The following HAPLN1 variants were observed in gnomAD, a reference collection of about 807,000 sequenced individuals.
HAPLN1 encodes the protein hyaluronan and proteoglycan link protein 1, also known as Cartilage link protein.
In HAPLN1, 13 loss-of-function variants were observed where a neutral mutation model predicts 36.5. That is an observed-to-expected ratio of 0.36 (90% CI 0.23 to 0.57). HAPLN1 has a LOEUF of 0.57. Ranked by LOEUF, HAPLN1 falls within the 20% of genes least tolerant of loss-of-function variation. HAPLN1 has a pLI of 0.83. For synonymous variants in HAPLN1, 202 were observed against 169.8 expected (o/e 1.19, Z -1.48); for missense variants, 407 against 439.7 (o/e 0.93, Z 0.66).
intron 1 of HAPLN1, among the ~76,000 whole-genome samples, chr5:83,694,185 T>G (rs776698894): frequency 6.6e-6 from 1 of 151,882 alleles, no homozygotes. Flanking sequence ...AGCACAAAAT[T>G]TTAAATAACC....
Position 83,644,653 on chromosome 5 carries a change from G to T in HAPLN1, c.485C>A (p.Pro162His). 6.8e-7 allele frequency: 1 copy of T among 1,470,014 alleles called. No individual in the cohort carries two copies. The highest frequency in any genetic ancestry group is 1.5e-5 in the South Asian group (1 of 68,180). The allele number at this position is 1,470,014 out of a possible 1,614,324, so 91.1% of individuals were successfully genotyped here. ...VALDLQGVVFPYFPRLGRYNL... is the reference protein window; with the variant it reads ...VALDLQGVVFHYFPRLGRYNL... Reference sequence around the variant, plus strand: ...GTAGCGCCCCAGTCGTGGAAAGTAAGGGAATACCACACCTGTCCAAAGGAG... The same window carrying T: ...GTAGCGCCCCAGTCGTGGAAAGTAATGGAATACCACACCTGTCCAAAGGAG... The change falls in exon 4 of 5, where the codon CCT becomes CAT. Residue 162 changes from proline (P) to histidine (H), a missense_variant. Transcript: ENST00000274341.
chr5:83,695,195 G>A (rs921296075), intron 1 of HAPLN1, among the ~76,000 whole-genome samples: 1 of 152,020 alleles, frequency 6.6e-6, no homozygotes, highest in Non-Finnish European at 1.5e-5. Context: ...GCGCAATCTC[G>A]GCTCACTGCA....
chr5:83,712,106 T>G (rs886692231), intron 1 of HAPLN1, among the ~76,000 whole-genome samples: 1 of 152,206 alleles, frequency 6.6e-6, no homozygotes, highest in African/African-American at 2.4e-5. Context: ...ATATTAATCA[T>G]GTAAGGATGA....
At chr5:83,691,137 G>T (rs1751260413) in intron 1 of HAPLN1, among the ~76,000 whole-genome samples, 1 of 152,038 alleles carries the variant, frequency 6.6e-6, no homozygotes, top group African/African-American at 2.4e-5. Flanking sequence ...ATTGCCGAAA[G>T]AAAGTTTTCA....
At chr5:83,701,889 G>A (rs1390436243) in intron 1 of HAPLN1, among the ~76,000 whole-genome samples, 8 of 151,672 alleles carry the variant, frequency 5.3e-5, no homozygotes, top group Admixed American at 4.0e-4. Context: ...TCGCTCCACT[G>A]CTCTCCACCT....
At chr5:83,696,823 C>G (rs550508115) in intron 1 of HAPLN1, among the ~76,000 whole-genome samples, 1 of 152,186 alleles carries the variant, frequency 6.6e-6, no homozygotes, top group African/African-American at 2.4e-5. Context: ...TTACATTTCT[C>G]CTTTTGTGAA....
chr5:83,656,827 C>G (rs548691932), intron 2 of HAPLN1, among the ~76,000 whole-genome samples: 57 of 152,230 alleles, frequency 3.7e-4, no homozygotes, highest in African/African-American at 1.3e-3. Flanking sequence ...CAGAGGACAT[C>G]ATTTAGTTTC....
chr5:83,718,795 G>GA (rs762631639), intron 1 of HAPLN1, among the ~76,000 whole-genome samples: 1 of 152,070 alleles, frequency 6.6e-6, no homozygotes, highest in Non-Finnish European at 1.5e-5. Context: ...AATGCAATCT[G>GA]AAAAATAAAA....
At chr5:83,652,426 C>A (rs375685031) in intron 3 of HAPLN1, 27 bp downstream of exon 3, 1 of 1,583,190 alleles carries the variant, frequency 6.3e-7, no homozygotes, top group South Asian at 1.2e-5. Flanking sequence ...ACCATTTATA[C>A]GTTGAACATG....
At chr5:83,691,436 T>C (rs976222593) in intron 1 of HAPLN1, among the ~76,000 whole-genome samples, 4 of 152,070 alleles carry the variant, frequency 2.6e-5, no homozygotes, top group African/African-American at 9.6e-5. Context: ...TAGCACCTGT[T>C]TCCAACAGGC....
At chr5:83,705,867 A>G (rs911111035) in intron 1 of HAPLN1, among the ~76,000 whole-genome samples, 3 of 152,024 alleles carry the variant, frequency 2.0e-5, no homozygotes, top group Non-Finnish European at 2.9e-5. Context: ...ATCCAAATAA[A>G]CATGATTAGA....
rs191220233 is a variant in HAPLN1 at position 83,676,927 on chromosome 5, T to C, written c.-26-3378A>G. Among the ~76,000 whole-genome samples, 26 of 152,330 alleles carry C rather than the reference T, an allele frequency of 1.7e-4. No individual in the cohort carries two copies. The East Asian group carries it at 5.0e-3, about 29-fold the overall frequency. Reference sequence around the variant, plus strand: ...AGATAATAGGAATGTAATTTTACAGTCCTGCTTTGTTGATAATTGAAGCAT... The same window carrying C: ...AGATAATAGGAATGTAATTTTACAGCCCTGCTTTGTTGATAATTGAAGCAT... On this transcript the variant is annotated intron_variant, in intron 1 of 4. Coordinates refer to ENST00000274341, the MANE Select transcript of HAPLN1 (RefSeq NM_001884.4).
At position 83,697,487 on chromosome 5, in the gene HAPLN1, A is replaced by G. The variant is rs141284384; in HGVS notation, c.-27+23302T>C. ...TTTCCACTTTTGGGCTTTAATGAAT[A>G]ATGCTGCTATTAACACCCATGCACA... On this transcript the variant is annotated intron_variant, in intron 1 of 4. Transcript: ENST00000274341. 9.0e-3 allele frequency among the ~76,000 whole-genome samples: 1,372 copies of G among 152,318 alleles called. 30 individuals are homozygous for G. Among genetic ancestry groups the G allele is most frequent in the African/African-American group, 0.032 (1,314 of 41,572 alleles).
In HAPLN1 at chr5:83,641,550, G is replaced by A. The variant is rs1042802; in HGVS notation, c.1011C>T (p.Phe337=). ...CATACAGCTTATGCTTTTTATCTGG[G>A]AAACCCACGAAGCGCACTGCAGCCT... The part of the protein sequence containing the change: ...PTEAAVRFVG[F]PDKKHKLYGV... Residue 337 remains phenylalanine, a synonymous_variant, in exon 5 of 5, where the codon TTC becomes TTT. Transcript: ENST00000274341. 6.2e-7 allele frequency: 1 copy of A among 1,614,026 alleles called. No homozygotes were observed. The highest frequency in any genetic ancestry group is 1.1e-5 in the South Asian group (1 of 91,070).
At chr5:83,653,067 G>C (rs1377312069) in intron 2 of HAPLN1, among the ~76,000 whole-genome samples, 2 of 151,886 alleles carry the variant, frequency 1.3e-5, no homozygotes, top group Non-Finnish European at 2.9e-5. Context: ...AAGAAATGTT[G>C]GATATAAAAC....
chr5:83,711,290 G>A (rs956261906), intron 1 of HAPLN1, among the ~76,000 whole-genome samples: 3 of 152,120 alleles, frequency 2.0e-5, no homozygotes, highest in African/African-American at 7.2e-5. Context: ...TGGTAGAACT[G>A]CCATAAAGCA....
chr5:83,683,800 T>C (rs1313189759), intron 1 of HAPLN1, among the ~76,000 whole-genome samples: 3 of 152,150 alleles, frequency 2.0e-5, no homozygotes, highest in Admixed American at 2.0e-4. Context: ...TAAGTCTTAG[T>C]GAGCACAGTA....
intron 1 of HAPLN1, among the ~76,000 whole-genome samples, chr5:83,712,283 T>C (rs1431229521): frequency 6.6e-6 from 1 of 152,164 alleles, no homozygotes; most frequent in Admixed American, 6.5e-5. Flanking sequence ...GTATATTATA[T>C]ATATTTTTTT....
intron 2 of HAPLN1, among the ~76,000 whole-genome samples, chr5:83,662,772 T>C (rs1191822677): frequency 6.6e-6 from 1 of 152,224 alleles, no homozygotes; most frequent in Non-Finnish European, 1.5e-5. Context: ...ACTCTACTTG[T>C]CTCCATTCAG....
Sources: allele counts gnomAD v4.1 joint callset (sites outside exome capture counted in the v4.1 genomes callset), GRCh38; gene constraint gnomAD v4.1.1; transcripts MANE v1.5; gene names NCBI Gene and HGNC (gene_info 2026-07-23, HGNC 2026-07-21).